Variants in PON2 observed in about 807,000 individuals in gnomAD.
PON2 encodes serum paraoxonase/arylesterase 2.
In PON2, 27 loss-of-function variants were observed where a neutral mutation model predicts 36.6. The ratio of observed to expected loss-of-function variants is 0.74; its 90% CI spans 0.54 to 1.02. The LOEUF (loss-of-function observed/expected upper bound fraction) is 1.02. Among genes scored for constraint, PON2 ranks in the 50% least tolerant of loss-of-function variants. The pLI, the probability that PON2 is intolerant of heterozygous loss-of-function variation, is 0.00. For synonymous variants in PON2, 149 were observed against 156.3 expected (o/e 0.95, Z 0.35); for missense variants, 363 against 421.1 (o/e 0.86, Z 1.21).
Position 95,416,239 on chromosome 7 carries a change from C to T in PON2, c.201+3G>A. The T allele has an allele frequency of 6.2e-7, 1 of 1,611,838 alleles. No homozygotes were observed. Among genetic ancestry groups the T allele is most frequent in the Non-Finnish European group, 8.5e-7 (1 of 1,177,970 alleles). ...GAATTTGGGGAAGGAAGAAGACACT[C>T]ACCACACTAAAAAAAGCCAGACCAT... On this transcript the variant is annotated splice_donor_region_variant and intron_variant, in intron 3 of 8. Transcript: ENST00000222572.
chr7:95,428,723 A>G (rs1322682774), intron 1 of PON2, among the ~76,000 whole-genome samples: 1 of 152,172 alleles, frequency 6.6e-6, no homozygotes, highest in Non-Finnish European at 1.5e-5. Flanking sequence ...AATCCTATAT[A>G]TTTTATTTTA....
chr7:95,414,438 C>A (rs1016118826), intron 3 of PON2, among the ~76,000 whole-genome samples: 5 of 152,090 alleles, frequency 3.3e-5, no homozygotes, highest in Admixed American at 6.6e-5. Context: ...AGAAAAAGTT[C>A]TATTGATATG....
intron 2 of PON2, among the ~76,000 whole-genome samples, chr7:95,421,570 G>A (rs894958897): frequency 6.6e-6 from 1 of 152,178 alleles, no homozygotes; most frequent in Non-Finnish European, 1.5e-5. Flanking sequence ...CTCTTGAACT[G>A]TCTGCATGAT....
At chr7:95,434,452 G>C (rs1789515474) in intron 1 of PON2, 1 of 175,790 alleles carries the variant, frequency 5.7e-6, no homozygotes, top group South Asian at 1.4e-4. Flanking sequence ...TTAAAGACGG[G>C]TCTGGTTTGG....
At chr7:95,417,924 T>G (rs1187046474) in intron 2 of PON2, among the ~76,000 whole-genome samples, 2 of 152,218 alleles carry the variant, frequency 1.3e-5, no homozygotes, top group East Asian at 3.8e-4. Flanking sequence ...TTCTTTATAC[T>G]TTGTTTAAAA....
At chr7:95,407,516 G>A (rs913137013) in intron 6 of PON2, among the ~76,000 whole-genome samples, 11 of 152,044 alleles carry the variant, frequency 7.2e-5, no homozygotes, top group South Asian at 2.1e-4. Context: ...AATACATAGC[G>A]AATTTTAAGA....
At position 95,405,152 on chromosome 7, in the gene PON2, A is replaced by G; in HGVS notation, c.*178T>C. ...GCTTGGCATTTTAAAGAACCTGTTC[A>G]TTTTCCTTTTTTGTTAAAAGTGCTC... is the stretch of plus-strand genomic sequence containing the variant. On this transcript the variant is annotated 3_prime_UTR_variant, in exon 9 of 9. Coordinates refer to ENST00000222572, the MANE Select transcript of PON2 (RefSeq NM_000305.3). 1 of 628,098 alleles carries G rather than the reference A, an allele frequency of 1.6e-6. No homozygotes were observed. The highest frequency in any genetic ancestry group is 2.7e-6 in the Non-Finnish European group (1 of 370,062). 38.9% of individuals were successfully genotyped at this position (628,098 alleles called of 1,614,324 possible).
At position 95,424,572 on chromosome 7, in the gene PON2, C is replaced by A. The variant is rs1459979087; in HGVS notation, c.88G>T (p.Ala30Ser). The A allele has an allele frequency of 1.9e-6, 3 of 1,612,074 alleles. No individual in the cohort carries two copies. Among genetic ancestry groups the A allele is most frequent in the Non-Finnish European group, 1.7e-6 (2 of 1,178,940 alleles). The change falls in exon 2 of 9, where the codon GCC (alanine) becomes TCC (serine). Residue 30 changes from alanine (A) to serine (S), a missense_variant. Coordinates refer to ENST00000222572, the MANE Select transcript of PON2 (RefSeq NM_000305.3). The part of the protein sequence containing the change: ...RLLALRNRLK[A>S]SREVESVDLP... ...TCTACAGATTCTACTTCTCTGGAGG[C>A]TTTAAGTCGATTTCTGTTACAAAGA...
Position 95,434,761 on chromosome 7 carries a change from C to G in PON2, c.74+117G>C, listed in dbSNP as rs1789524182. 7.6e-6 allele frequency: 9 copies of G among 1,187,876 alleles called. No homozygotes were observed. In the South Asian group the frequency reaches 1.0e-4, roughly 14 times the overall value. The allele number at this position is 1,187,876 out of a possible 1,614,324, so 73.6% of individuals were successfully genotyped here. A position where few individuals can be genotyped will look rare whatever the true frequency, so the allele number is the denominator to read the frequency against. On this transcript the variant is annotated intron_variant, in intron 1 of 8. Transcript: ENST00000222572. The stretch of plus-strand genomic sequence containing the variant: ...GACAGCATTCAAAAATTCTCCACCC[C>G]CGGCCGCAGGGCCAGGTCCCGCAGG...
In PON2 at chr7:95,411,667, A is replaced by G. The variant is rs751831632; in HGVS notation, c.480T>C (p.His160=). Residue 160 remains histidine (H), a synonymous_variant, in exon 5 of 9, where the codon CAT becomes CAC. Coordinates refer to ENST00000222572, the MANE Select transcript of PON2 (RefSeq NM_000305.3). ...NSLLHLKTVK[H]ELLPSVNDIT... ...TGAGGAAGTACCTTGGAAGAAGCTC[A>G]TGTTTGACTGTTTTCAGATGCAACA... 2 of 1,609,442 alleles carry G rather than the reference A, an allele frequency of 1.2e-6. No homozygotes were observed. The highest frequency in any genetic ancestry group is 8.5e-7 in the Non-Finnish European group (1 of 1,175,862).
Position 95,429,049 on chromosome 7 carries a change from T to A in PON2, c.75-4464A>T, listed in dbSNP as rs1471517621. Among the ~76,000 whole-genome samples, 6 of 151,832 alleles carry A rather than the reference T, an allele frequency of 4.0e-5. No homozygotes were observed. The South Asian group carries it at 6.2e-4, about 16-fold the overall frequency. On this transcript the variant is annotated intron_variant, in intron 1 of 8. Coordinates refer to ENST00000222572, the MANE Select transcript of PON2 (RefSeq NM_000305.3). ...CAAAGCATGAACTTTTTTTTTTTTT[T>A]ATACTTTAAGTTCTAGGGTACATGT... is the stretch of plus-strand genomic sequence containing the variant.
At chr7:95,427,151 C>T (rs921136125) in intron 1 of PON2, among the ~76,000 whole-genome samples, 2 of 152,104 alleles carry the variant, frequency 1.3e-5, no homozygotes, top group African/African-American at 4.8e-5. Context: ...CTTGGCTTTC[C>T]TTTTTGATAA....
chr7:95,416,177 T>C, intron 3 of PON2, 65 bp downstream of exon 3: 3 of 1,610,312 alleles, frequency 1.9e-6, no homozygotes, highest in Non-Finnish European at 2.5e-6. Flanking sequence ...CTTACTGTTC[T>C]GCAGCCCTCA....
intron 1 of PON2, among the ~76,000 whole-genome samples, chr7:95,434,493 A>C (rs925635130): frequency 6.6e-6 from 1 of 152,240 alleles, no homozygotes; most frequent in African/African-American, 2.4e-5. Flanking sequence ...CAATGACCTG[A>C]AATAAATCTT....
intron 2 of PON2, among the ~76,000 whole-genome samples, chr7:95,418,015 T>C (rs911296127): frequency 2.0e-5 from 3 of 152,182 alleles, no homozygotes; most frequent in Non-Finnish European, 2.9e-5. Context: ...TTCAACCATA[T>C]TGTAACTTCT....
Position 95,411,790 on chromosome 7 carries a change from G to C in PON2, c.368-11C>G, listed in dbSNP as rs1788933307. On this transcript the variant is annotated splice_polypyrimidine_tract_variant and intron_variant, in intron 4 of 8. Transcript: ENST00000222572. ...GATAAACTGTGTCATCTAAAGAATT[G>C]AAAGAACAGAGTTAATTTACAAGAC... 1 of 1,612,880 alleles carries C rather than the reference G, an allele frequency of 6.2e-7. No homozygotes were observed. The highest frequency in any genetic ancestry group is 2.2e-5 in the East Asian group (1 of 44,850).
At chr7:95,410,948 A>T (rs961148770) in intron 5 of PON2, among the ~76,000 whole-genome samples, 2 of 152,184 alleles carry the variant, frequency 1.3e-5, no homozygotes, top group Admixed American at 6.6e-5. Context: ...TATGCCCTAG[A>T]TAGGCATAGA....
chr7:95,414,229 T>C (rs1789006355), intron 3 of PON2, among the ~76,000 whole-genome samples: 1 of 152,126 alleles, frequency 6.6e-6, no homozygotes, highest in Non-Finnish European at 1.5e-5. Context: ...AACTGTAAAA[T>C]AGGTTGGGTT....
At chr7:95,426,224 T>C (rs1789312556) in intron 1 of PON2, among the ~76,000 whole-genome samples, 1 of 151,708 alleles carries the variant, frequency 6.6e-6, no homozygotes, top group Non-Finnish European at 1.5e-5. Context: ...AACCTGCACA[T>C]GTACCCCTTG....
Sources: allele counts gnomAD v4.1 joint callset (sites outside exome capture counted in the v4.1 genomes callset), GRCh38; gene constraint gnomAD v4.1.1; transcripts MANE v1.5; gene names NCBI Gene and HGNC (gene_info 2026-07-23, HGNC 2026-07-21).